ACTR3C: variants seen among roughly 807,000 people sequenced by gnomAD.
ACTR3C encodes the protein actin related protein 3C.
A neutral mutation model predicts 26.3 loss-of-function variants in ACTR3C; 18 were observed. The observed-to-expected ratio is 0.68, with a 90% CI of 0.47 to 1.01. The LOEUF (loss-of-function observed/expected upper bound fraction) is 1.01, where lower values mean the gene tolerates loss of function less well. Among genes scored for constraint, ACTR3C ranks in the 50% least tolerant of loss-of-function variants. The pLI, the probability that ACTR3C is intolerant of heterozygous loss-of-function variation, is 0.00. For missense variants in ACTR3C, 184 were observed against 250.7 expected (o/e 0.73, Z 1.80); for synonymous variants, 55 against 94.5 (o/e 0.58, Z 2.42).
chr7:150,278,343 C>T (rs1490352857), intron 6 of ACTR3C, among the ~76,000 whole-genome samples: 1 of 152,250 alleles, frequency 6.6e-6, no homozygotes, highest in South Asian at 2.1e-4. Flanking sequence ...AAGGCTGTTC[C>T]TCAGCTGCAC....
chr7:149,881,582 G>GCT, the ACTR3C span: 2 of 90,916 alleles, frequency 2.2e-5, no homozygotes, highest in Admixed American at 2.0e-4. Flanking sequence ...GGCTGGCTGG[G>GCT]CGGTGGGGCG....
chr7:150,166,866 C>T, the ACTR3C span, among the ~76,000 whole-genome samples: 3 of 150,374 alleles, frequency 2.0e-5, no homozygotes, highest in Non-Finnish European at 2.9e-5. Context: ...ATGAAATCAA[C>T]TTTTTTAGCT....
At chr7:150,010,821 T>G in the ACTR3C span, among the ~76,000 whole-genome samples, 1 of 147,356 alleles carries the variant, frequency 6.8e-6, no homozygotes, top group African/African-American at 2.5e-5. Flanking sequence ...GGGCAGCAGA[T>G]GGAACAGAAT....
chr7:150,250,204 T>G, intron 6 of ACTR3C, among the ~76,000 whole-genome samples: 1 of 134,548 alleles, frequency 7.4e-6, no homozygotes, highest in Non-Finnish European at 1.5e-5. Flanking sequence ...GAATCTGACT[T>G]TTTTTTTTTT....
At chr7:150,005,557 G>A in the ACTR3C span, among the ~76,000 whole-genome samples, 49 of 151,830 alleles carry the variant, frequency 3.2e-4, no homozygotes, top group Non-Finnish European at 6.2e-4. Context: ...CTGGTACATC[G>A]GGAGGGTCAG....
At chr7:150,065,205 CT>C in the ACTR3C span, among the ~76,000 whole-genome samples, 1 of 152,026 alleles carries the variant, frequency 6.6e-6, no homozygotes, top group Non-Finnish European at 1.5e-5. Flanking sequence ...TGAGGCGGGA[CT>C]GAAATAAAGT....
chr7:149,946,721 GCA>G, the ACTR3C span, among the ~76,000 whole-genome samples: 1 of 152,130 alleles, frequency 6.6e-6, no homozygotes, highest in African/African-American at 2.4e-5. Context: ...TGTCCAAATG[GCA>G]CATTCTTTTT....
chr7:150,000,532 T>C, the ACTR3C span, among the ~76,000 whole-genome samples: 13 of 78,038 alleles, frequency 1.7e-4, no homozygotes, highest in African/African-American at 6.3e-4. Flanking sequence ...ACTAAGTTGA[T>C]AGCATGGGTA....
At chr7:150,035,541 T>C in the ACTR3C span, among the ~76,000 whole-genome samples, 336 of 96,562 alleles carry the variant, frequency 3.5e-3, no homozygotes, top group African/African-American at 8.4e-3. Context: ...TGCCTCCCCC[T>C]CCTGCGATGG....
At chr7:150,219,395 A>T in the ACTR3C span, among the ~76,000 whole-genome samples, 1 of 147,856 alleles carries the variant, frequency 6.8e-6, no homozygotes, top group African/African-American at 2.7e-5. Context: ...GGTTTAAAAA[A>T]ATATATAAAT....
chr7:150,280,067 A>G (rs1401922222), intron 6 of ACTR3C, among the ~76,000 whole-genome samples: 1 of 152,228 alleles, frequency 6.6e-6, no homozygotes, highest in African/African-American at 2.4e-5. Context: ...GCAAGTTACT[A>G]AACACTGGCT....
At chr7:150,313,037 C>T (rs1351355450) in intron 1 of ACTR3C, among the ~76,000 whole-genome samples, 4 of 152,212 alleles carry the variant, frequency 2.6e-5, no homozygotes, top group Admixed American at 1.3e-4. Flanking sequence ...TTGTGACATT[C>T]TTCTTTTGGA....
chr7:150,160,775 G>T, the ACTR3C span, among the ~76,000 whole-genome samples: 2 of 151,842 alleles, frequency 1.3e-5, no homozygotes, highest in South Asian at 4.2e-4. Context: ...TGTTCCTGGT[G>T]CCTTGAACAG....
At chr7:149,984,352 C>T in the ACTR3C span, among the ~76,000 whole-genome samples, 17 of 152,126 alleles carry the variant, frequency 1.1e-4, no homozygotes, top group South Asian at 4.2e-4. Flanking sequence ...TACAGGCATG[C>T]GCCACCACAC....
At chr7:150,136,231 G>A in the ACTR3C span, among the ~76,000 whole-genome samples, 9 of 152,272 alleles carry the variant, frequency 5.9e-5, no homozygotes, top group East Asian at 1.3e-3. Flanking sequence ...GTAGATGGCC[G>A]GTGCTGCTAG....
At chr7:150,281,262 G>T (rs1484136952) in intron 6 of ACTR3C, among the ~76,000 whole-genome samples, 1 of 151,816 alleles carries the variant, frequency 6.6e-6, no homozygotes, top group Non-Finnish European at 1.5e-5. Context: ...GTGCTCTGCA[G>T]AAGTATTTGC....
chr7:150,055,813 C>T, the ACTR3C span, among the ~76,000 whole-genome samples: 64,080 of 151,906 alleles, frequency 0.42, 13,976 homozygotes, highest in East Asian at 0.59. Flanking sequence ...AAAAGCCTTA[C>T]TTTCAAACAC....
At chr7:149,967,172 C>A in the ACTR3C span, among the ~76,000 whole-genome samples, 1 of 151,620 alleles carries the variant, frequency 6.6e-6, no homozygotes, top group Non-Finnish European at 1.5e-5. Context: ...GTAGCTGGGA[C>A]TACAGGTGCC....
At chr7:150,151,258 G>T in the ACTR3C span, among the ~76,000 whole-genome samples, 2 of 134,730 alleles carry the variant, frequency 1.5e-5, 1 homozygote, top group South Asian at 6.0e-4. Context: ...CTGAGATTGG[G>T]GTATGATATG....
Sources: allele counts gnomAD v4.1 joint callset (sites outside exome capture counted in the v4.1 genomes callset), GRCh38; gene constraint gnomAD v4.1.1; transcripts MANE v1.5; gene names NCBI Gene and HGNC (gene_info 2026-07-23, HGNC 2026-07-21).